The following SMYD3 variants were observed in gnomAD, a reference collection of about 807,000 sequenced individuals.
SMYD3 encodes histone-lysine N-methyltransferase SMYD3.
Under a neutral mutation model 57.7 loss-of-function variants are expected in SMYD3, and 36 were observed. The ratio of observed to expected loss-of-function variants is 0.62; its 90% CI spans 0.48 to 0.82. The LOEUF (loss-of-function observed/expected upper bound fraction) is 0.82. Ranked by LOEUF, SMYD3 falls within the 40% of genes least tolerant of loss-of-function variation. The pLI is 0.00. For missense variants in SMYD3, 515 were observed against 538.8 expected (o/e 0.96, Z 0.44); for synonymous variants, 211 against 195.0 (o/e 1.08, Z -0.68).
intron 1 of SMYD3, among the ~76,000 whole-genome samples, chr1:246,495,813 G>A (rs1002746126): frequency 6.6e-6 from 1 of 151,646 alleles, no homozygotes; most frequent in Non-Finnish European, 1.5e-5. Context: ...TTAGCCAGGG[G>A]TGGTGGCACG....
chr1:245,804,616 C>A (rs1365170739), intron 10 of SMYD3, among the ~76,000 whole-genome samples: 1 of 152,136 alleles, frequency 6.6e-6, no homozygotes, highest in African/African-American at 2.4e-5. Flanking sequence ...AAGAGTGGGG[C>A]CTTTGGGAAC....
At chr1:245,984,060 C>T (rs943700155) in intron 5 of SMYD3, among the ~76,000 whole-genome samples, 2 of 147,066 alleles carry the variant, frequency 1.4e-5, no homozygotes, top group Non-Finnish European at 3.0e-5. Flanking sequence ...AGTGCAATGG[C>T]GCGGTCTCGG....
chr1:246,339,471 T>C (rs2065596824), intron 2 of SMYD3, among the ~76,000 whole-genome samples: 1 of 152,130 alleles, frequency 6.6e-6, no homozygotes, highest in Non-Finnish European at 1.5e-5. Flanking sequence ...GAGAGGGCAA[T>C]AAAAATAGTT....
chr1:246,071,305 A>G (rs979331089), intron 5 of SMYD3, among the ~76,000 whole-genome samples: 6 of 152,186 alleles, frequency 3.9e-5, no homozygotes, highest in Non-Finnish European at 7.3e-5. Flanking sequence ...AAATGCCAGC[A>G]GTGGCTACTT....
At chr1:245,817,061 T>G (rs1180387413) in intron 10 of SMYD3, among the ~76,000 whole-genome samples, 1 of 151,412 alleles carries the variant, frequency 6.6e-6, no homozygotes, top group Admixed American at 6.6e-5. Flanking sequence ...CAAGGAGGCC[T>G]GCCTGCCTCT....
chr1:246,143,126 TACACACACACACACACACACACACAC>T (rs370332515), intron 5 of SMYD3, among the ~76,000 whole-genome samples: 1 of 146,006 alleles, frequency 6.8e-6, no homozygotes, highest in Non-Finnish European at 1.5e-5. Flanking sequence ...GTATATTTAA[TACACACACACACACACACACACACAC>T]ACACACACAC....
At chr1:246,350,512 G>A (rs546224270) in intron 2 of SMYD3, among the ~76,000 whole-genome samples, 6 of 152,308 alleles carry the variant, frequency 3.9e-5, no homozygotes, top group African/African-American at 9.6e-5. Context: ...AAATCAGCAC[G>A]ACATGATGAC....
intron 8 of SMYD3, among the ~76,000 whole-genome samples, chr1:245,877,741 A>G (rs1462910369): frequency 6.6e-6 from 1 of 152,188 alleles, no homozygotes; most frequent in Admixed American, 6.5e-5. Context: ...GGGAATGTAG[A>G]AAGGTGTTTA....
chr1:245,884,644 C>A (rs891611214), intron 8 of SMYD3, among the ~76,000 whole-genome samples: 7 of 152,080 alleles, frequency 4.6e-5, no homozygotes, highest in African/African-American at 1.7e-4. Context: ...GAAGATGGTG[C>A]CACTGAGAGG....
intron 5 of SMYD3, among the ~76,000 whole-genome samples, chr1:245,986,877 A>G (rs1303138917): frequency 2.0e-5 from 3 of 152,266 alleles, no homozygotes; most frequent in Non-Finnish European, 4.4e-5. Flanking sequence ...AGGTGGATAC[A>G]GCAAATAAAC....
At chr1:245,811,577 G>A (rs780903848) in intron 10 of SMYD3, among the ~76,000 whole-genome samples, 44 of 152,262 alleles carry the variant, frequency 2.9e-4, no homozygotes, top group South Asian at 1.2e-3. Context: ...ATGATCTAAT[G>A]TGGCCGTTCT....
At chr1:246,077,828 A>G (rs1166839918) in intron 5 of SMYD3, among the ~76,000 whole-genome samples, 1 of 152,126 alleles carries the variant, frequency 6.6e-6, no homozygotes, top group East Asian at 1.9e-4. Flanking sequence ...CACCTCTGCT[A>G]TTTTATCAAC....
chr1:246,095,951 G>A (rs989420230), intron 5 of SMYD3, among the ~76,000 whole-genome samples: 13 of 152,142 alleles, frequency 8.5e-5, no homozygotes, highest in African/African-American at 3.1e-4. Flanking sequence ...ATAGAGCAGG[G>A]CCATTACTAA....
chr1:245,791,823 T>G (rs2047283477), intron 10 of SMYD3, among the ~76,000 whole-genome samples: 1 of 152,196 alleles, frequency 6.6e-6, no homozygotes, highest in Non-Finnish European at 1.5e-5. Flanking sequence ...GAATTATCGC[T>G]GCCTTTCTTT....
At chr1:245,934,213 A>C (rs2056877353) in intron 5 of SMYD3, among the ~76,000 whole-genome samples, 1 of 152,230 alleles carries the variant, frequency 6.6e-6, no homozygotes, top group Non-Finnish European at 1.5e-5. Context: ...AACGGAGTTT[A>C]ATGTACTTAG....
chr1:245,924,404 T>A lies in SMYD3; in HGVS notation c.702+3527A>T, dbSNP rs1207179076. Among the ~76,000 whole-genome samples, 2 of 152,174 alleles carry A rather than the reference T, an allele frequency of 1.3e-5. 1 individual carries two copies. On this transcript the variant is annotated intron_variant, in intron 7 of 11. Transcript: ENST00000490107. ...GCAAAGTATTATAAATGTTGCTGGT[T>A]TGCAAGGAAACTGTCCAAAGAGGGT...
chr1:246,451,862 C>T (rs1251962030), intron 1 of SMYD3, among the ~76,000 whole-genome samples: 1 of 152,016 alleles, frequency 6.6e-6, no homozygotes, highest in Non-Finnish European at 1.5e-5. Flanking sequence ...ATAAGCAAAA[C>T]CCAAATCTAA....
At position 246,442,355 on chromosome 1, in the gene SMYD3, C is replaced by T. The variant is rs569812595; in HGVS notation, c.164+64699G>A. 2.0e-5 allele frequency among the ~76,000 whole-genome samples: 3 copies of T among 152,126 alleles called. No individual in the cohort carries two copies. The South Asian group carries it at 6.2e-4, about 32-fold the overall frequency. On this transcript the variant is annotated intron_variant, in intron 1 of 11. Transcript: ENST00000490107. The stretch of plus-strand genomic sequence containing the variant: ...GCTGAGGTCACGAGTTCAAGACCAG[C>T]CTGGCCAACCCGGTGAAACCCCGCC...
At chr1:245,968,881 T>C (rs2058223163) in intron 5 of SMYD3, among the ~76,000 whole-genome samples, 2 of 152,162 alleles carry the variant, frequency 1.3e-5, no homozygotes, top group Non-Finnish European at 2.9e-5. Context: ...TAGTTCCCAG[T>C]GCTGGTGGAA....
Sources: gnomAD v4.1 joint callset for allele counts (sites outside exome capture counted in the v4.1 genomes callset) on GRCh38, gnomAD v4.1.1 for gene constraint, MANE v1.5 for transcripts, NCBI Gene and HGNC (gene_info 2026-07-23, HGNC 2026-07-21) for gene names.